The following SLC25A48 variants were observed in gnomAD, a reference collection of about 807,000 sequenced individuals.
SLC25A48 encodes solute carrier family 25 member 48.
A neutral mutation model predicts 32.2 loss-of-function variants in SLC25A48; 29 were observed. The ratio of observed to expected loss-of-function variants is 0.90; its 90% confidence interval spans 0.67 to 1.23. The LOEUF is 1.23. Ranked by LOEUF, SLC25A48 falls within the 50% of genes most tolerant of loss-of-function variation. The pLI, the probability that SLC25A48 is intolerant of heterozygous loss-of-function variation, is 0.00. For missense variants in SLC25A48, 399 were observed against 422.7 expected (o/e 0.94, Z 0.49); for synonymous variants, 164 against 172.3 (o/e 0.95, Z 0.38).
At chr5:135,799,914 G>A (rs993078975) in intron 3 of SLC25A48, among the ~76,000 whole-genome samples, 9 of 151,716 alleles carry the variant, frequency 5.9e-5, no homozygotes, top group African/African-American at 2.2e-4. Context: ...ATCTCAGGGA[G>A]TTTACACTGC....
chr5:135,679,314 C>T (rs1267528599), intron 3 of SLC25A48, among the ~76,000 whole-genome samples: 1 of 152,150 alleles, frequency 6.6e-6, no homozygotes, highest in South Asian at 2.1e-4. Flanking sequence ...GCCGGGCAGT[C>T]CTCAGGCCCC....
chr5:135,882,427 A>C (rs1025757194), intron 7 of SLC25A48, among the ~76,000 whole-genome samples: 2 of 152,144 alleles, frequency 1.3e-5, no homozygotes, highest in South Asian at 2.1e-4. Flanking sequence ...ACAGAGTGAG[A>C]TGATGTATAT....
intron 3 of SLC25A48, among the ~76,000 whole-genome samples, chr5:135,749,233 C>A (rs1755713603): frequency 6.6e-6 from 1 of 151,896 alleles, no homozygotes; most frequent in Admixed American, 6.6e-5. Context: ...CTTTCCCTTG[C>A]TTCTCACCCC....
intron 4 of SLC25A48, among the ~76,000 whole-genome samples, chr5:135,859,783 G>A (rs115617263): frequency 6.6e-6 from 1 of 152,306 alleles, no homozygotes; most frequent in African/African-American, 2.4e-5. Context: ...CAGGGCTGGT[G>A]AGTTGGTGCC....
intron 1 of SLC25A48, among the ~76,000 whole-genome samples, chr5:135,623,927 T>C (rs1752383698): frequency 6.6e-6 from 1 of 152,178 alleles, no homozygotes. Context: ...TCATGAGGAA[T>C]GGCAAGGCTC....
chr5:135,839,460 C>G (rs1758815251), intron 1 of SLC25A48, among the ~76,000 whole-genome samples: 1 of 152,134 alleles, frequency 6.6e-6, no homozygotes, highest in African/African-American at 2.4e-5. Flanking sequence ...ATGCTCGTAC[C>G]CCCATTGTTT....
At chr5:135,879,583 G>GGAGA (rs371969525) in intron 6 of SLC25A48, among the ~76,000 whole-genome samples, 61 of 143,504 alleles carry the variant, frequency 4.3e-4, no homozygotes, top group Admixed American at 1.8e-3. Flanking sequence ...AGATTCCCGA[G>GGAGA]GAGAGAGAGA....
intron 3 of SLC25A48, among the ~76,000 whole-genome samples, chr5:135,684,018 A>G (rs568048002): frequency 3.6e-4 from 55 of 152,338 alleles, no homozygotes; most frequent in Non-Finnish European, 6.9e-4. Context: ...TCTAAGGGCC[A>G]GAAGAGACCC....
rs752510904 is a variant in SLC25A48, at chr5:135,834,990, C to T, written c.46+97C>T. 1.9e-4 allele frequency: 262 copies of T among 1,404,956 alleles called. 1 individual carries two copies. The highest frequency in any genetic ancestry group is 2.5e-4 in the Non-Finnish European group (256 of 1,016,878). 87.0% of individuals were successfully genotyped at this position (1,404,956 alleles called of 1,614,324 possible). ...AAACTTTGCCTCTGTGCGCTGCCAT[C>T]CCGCTCCCCGTTGTGCGCGCAGCCT... On this transcript the variant is annotated intron_variant, in intron 1 of 7. Coordinates refer to ENST00000681962, the MANE Select transcript of SLC25A48 (RefSeq NM_001349336.2).
intron 3 of SLC25A48, among the ~76,000 whole-genome samples, chr5:135,670,776 G>A (rs190517918): frequency 5.9e-5 from 9 of 152,242 alleles, no homozygotes; most frequent in African/African-American, 1.9e-4. Flanking sequence ...GGAAGCAGAC[G>A]CTCTTTGCCT....
At chr5:135,862,456 G>A (rs1182127065) in intron 4 of SLC25A48, among the ~76,000 whole-genome samples, 1 of 152,208 alleles carries the variant, frequency 6.6e-6, no homozygotes, top group Non-Finnish European at 1.5e-5. Flanking sequence ...TGAATTCACT[G>A]TGAACTGTTC....
At chr5:135,684,865 C>A (rs889689602) in intron 3 of SLC25A48, among the ~76,000 whole-genome samples, 1 of 152,168 alleles carries the variant, frequency 6.6e-6, no homozygotes, top group Non-Finnish European at 1.5e-5. Flanking sequence ...TGGTTTATTA[C>A]CACTCTTTTG....
chr5:135,640,578 C>T (rs56348163), intron 3 of SLC25A48, among the ~76,000 whole-genome samples: 2,947 of 152,094 alleles, frequency 0.019, 47 homozygotes, highest in Non-Finnish European at 0.027. Context: ...CACAGACAAA[C>T]ATAAAAAATC....
intron 1 of SLC25A48, among the ~76,000 whole-genome samples, chr5:135,611,221 T>C (rs1288100188): frequency 1.3e-5 from 2 of 152,112 alleles, no homozygotes; most frequent in African/African-American, 4.8e-5. Context: ...TTCTTAACAC[T>C]TGTCAGGCCG....
At chr5:135,887,641 C>G (rs1404651670) in intron 7 of SLC25A48, among the ~76,000 whole-genome samples, 1 of 152,136 alleles carries the variant, frequency 6.6e-6, no homozygotes, top group Non-Finnish European at 1.5e-5. Flanking sequence ...ACCTGGGCCC[C>G]GTGACACTTC....
intron 3 of SLC25A48, among the ~76,000 whole-genome samples, chr5:135,768,877 T>C (rs1467479353): frequency 6.6e-6 from 1 of 151,800 alleles, no homozygotes; most frequent in Non-Finnish European, 1.5e-5. Context: ...TGATATTGGT[T>C]GTAAGATCCA....
intron 3 of SLC25A48, among the ~76,000 whole-genome samples, chr5:135,767,953 A>G (rs1756286933): frequency 7.2e-6 from 1 of 138,924 alleles, no homozygotes; most frequent in Non-Finnish European, 1.5e-5. Context: ...TGTTTGTAAT[A>G]TCCGGGGGGG....
chr5:135,595,452 C>A (rs1751627323), intron 1 of SLC25A48, among the ~76,000 whole-genome samples: 1 of 152,200 alleles, frequency 6.6e-6, no homozygotes, highest in Non-Finnish European at 1.5e-5. Flanking sequence ...TGGACAGACA[C>A]CACTCACCAT....
intron 3 of SLC25A48, among the ~76,000 whole-genome samples, chr5:135,704,024 TGTGTCAATTTGGACC>T (rs1754453303): frequency 6.6e-6 from 1 of 152,240 alleles, no homozygotes; most frequent in African/African-American, 2.4e-5. Flanking sequence ...AGCAAATATC[TGTGTCAATTTGGACC>T]ATTCAGTTAG....
Sources: allele counts gnomAD v4.1 joint callset (sites outside exome capture counted in the v4.1 genomes callset), GRCh38; gene constraint gnomAD v4.1.1; transcripts MANE v1.5; gene names NCBI Gene and HGNC (gene_info 2026-07-23, HGNC 2026-07-21).